SOX6: variants seen among roughly 807,000 people sequenced by gnomAD.
SOX6 encodes the protein SRY-box transcription factor 6, also known as transcription factor SOX-6.
SOX6 carries 11 observed loss-of-function variants against 97.8 expected under a neutral mutation model. That is an observed-to-expected ratio of 0.11 (90% CI 0.07 to 0.19). The LOEUF is 0.19. SOX6 is among the 10% of genes least tolerant of loss of function. SOX6 has a pLI of 1.00. For missense variants in SOX6, 810 were observed against 1,039.5 expected (o/e 0.78, Z 3.04); for synonymous variants, 360 against 371.4 (o/e 0.97, Z 0.35).
chr11:16,275,285 CAA>C (rs869208945), intron 3 of SOX6, among the ~76,000 whole-genome samples: 588 of 123,002 alleles, frequency 4.8e-3, no homozygotes, highest in Admixed American at 8.8e-3. Context: ...ACCAAAAATA[CAA>C]AAAAAAAAAA....
intron 1 of SOX6, among the ~76,000 whole-genome samples, chr11:16,346,483 C>T (rs1856780982): frequency 6.6e-6 from 1 of 152,020 alleles, no homozygotes; most frequent in South Asian, 2.1e-4. Flanking sequence ...TTCCTCAATT[C>T]ATTCCAGTAA....
intron 3 of SOX6, among the ~76,000 whole-genome samples, chr11:16,692,771 C>T (rs965158288): frequency 9.2e-5 from 14 of 152,164 alleles, no homozygotes; most frequent in African/African-American, 3.1e-4. Context: ...TCAGTATTGT[C>T]CTATTTATAA....
intron 3 of SOX6, among the ~76,000 whole-genome samples, chr11:16,304,074 C>T (rs1406648934): frequency 2.0e-5 from 3 of 152,006 alleles, no homozygotes; most frequent in East Asian, 3.9e-4. Context: ...CGCCACCATG[C>T]CCTGTTAATT....
upstream of SOX6, among the ~76,000 whole-genome samples, chr11:16,480,979 A>G (rs1860334896): frequency 1.3e-5 from 2 of 152,150 alleles, no homozygotes; most frequent in South Asian, 4.1e-4. Context: ...GAAAATATCG[A>G]TGCCTGGTCT....
chr11:16,340,003 C>T (rs1329662684), intron 2 of SOX6, among the ~76,000 whole-genome samples: 1 of 152,046 alleles, frequency 6.6e-6, no homozygotes, highest in East Asian at 1.9e-4. Context: ...CTCTGCTTCT[C>T]ACCTACTGTT....
At chr11:16,132,793 A>C (rs934486940) in intron 6 of SOX6, among the ~76,000 whole-genome samples, 7 of 152,008 alleles carry the variant, frequency 4.6e-5, no homozygotes, top group African/African-American at 1.5e-4. Context: ...TTATACCACA[A>C]GGACACACAA....
intron 3 of SOX6, chr11:16,311,528 A>T (rs1344124687): frequency 3.3e-5 from 5 of 152,164 alleles, no homozygotes; most frequent in African/African-American, 1.2e-4. Context: ...AGTTGCCTTA[A>T]CTAATTATTC....
intron 4 of SOX6, among the ~76,000 whole-genome samples, chr11:16,578,286 G>A (rs1195951674): frequency 6.6e-6 from 1 of 152,146 alleles, no homozygotes; most frequent in African/African-American, 2.4e-5. Flanking sequence ...ACTTGTCTAT[G>A]AGCATAATTT....
chr11:15,968,034 T>A lies in SOX6; in HGVS notation c.*4775A>T, dbSNP rs1853190760. 1 of 152,132 alleles carries A rather than the reference T, an allele frequency of 6.6e-6. No individual in the cohort carries two copies. The highest frequency in any genetic ancestry group is 2.4e-5 in the African/African-American group (1 of 41,424). The allele number at this position is 152,132 out of a possible 1,614,324, so 9.4% of individuals were successfully genotyped here. A position where few individuals can be genotyped will look rare whatever the true frequency, so the allele number is the denominator to read the frequency against. On this transcript the variant is annotated 3_prime_UTR_variant, in exon 16 of 16. Coordinates refer to ENST00000683767, the MANE Select transcript of SOX6 (RefSeq NM_001367873.1). ...TGTGTTTGCATATCAATATTTTCAA[T>A]GATATTAGTACAGGGGCACGCTCAA...
chr11:16,625,952 T>G (rs1848617993), intron 3 of SOX6, among the ~76,000 whole-genome samples: 1 of 152,180 alleles, frequency 6.6e-6, no homozygotes, highest in Non-Finnish European at 1.5e-5. Flanking sequence ...GATGGGGTTG[T>G]GGGAACTTCT....
At chr11:16,327,114 CT>C (rs1856121183) in intron 2 of SOX6, among the ~76,000 whole-genome samples, 1 of 152,126 alleles carries the variant, frequency 6.6e-6, no homozygotes, top group Non-Finnish European at 1.5e-5. Context: ...GGAAATCACG[CT>C]GTATAACTGT....
At chr11:16,140,209 T>A (rs1386395511) in intron 6 of SOX6, among the ~76,000 whole-genome samples, 1 of 152,120 alleles carries the variant, frequency 6.6e-6, no homozygotes, top group Non-Finnish European at 1.5e-5. Context: ...AGAAGCCACT[T>A]TCCTAATAGG....
chr11:16,392,931 T>G (rs1258434766), intron 1 of SOX6, among the ~76,000 whole-genome samples: 1 of 152,136 alleles, frequency 6.6e-6, no homozygotes, highest in Non-Finnish European at 1.5e-5. Flanking sequence ...CTCATAAACT[T>G]TAATATTGAA....
At chr11:16,485,235 G>C (rs371428960) in intron 4 of SOX6, among the ~76,000 whole-genome samples, 1 of 152,054 alleles carries the variant, frequency 6.6e-6, no homozygotes, top group Non-Finnish European at 1.5e-5. Flanking sequence ...AATTCAATAA[G>C]AGCTATCTAT....
chr11:16,151,269 A>C (rs1850451128), intron 6 of SOX6, among the ~76,000 whole-genome samples: 1 of 152,152 alleles, frequency 6.6e-6, no homozygotes, highest in Admixed American at 6.6e-5. Flanking sequence ...AATCAGGATG[A>C]AAATTTGCCT....
chr11:16,390,456 T>C (rs1328568020), intron 1 of SOX6, among the ~76,000 whole-genome samples: 1 of 152,194 alleles, frequency 6.6e-6, no homozygotes, highest in African/African-American at 2.4e-5. Flanking sequence ...CAATTTTCAG[T>C]GGATTAAGTG....
At chr11:16,311,258 A>C (rs1353358076) in intron 3 of SOX6, 2 of 152,090 alleles carry the variant, frequency 1.3e-5, no homozygotes, top group Non-Finnish European at 2.9e-5. Context: ...CTTTTTTAAA[A>C]GTTTCTTCAA....
intron 1 of SOX6, among the ~76,000 whole-genome samples, chr11:16,473,097 A>G (rs941450715): frequency 1.3e-5 from 2 of 152,070 alleles, no homozygotes; most frequent in African/African-American, 4.8e-5. Context: ...AGTTCATTCA[A>G]TTTTTTTCTT....
At chr11:16,625,109 T>C (rs1278527979) in intron 3 of SOX6, among the ~76,000 whole-genome samples, 1 of 152,188 alleles carries the variant, frequency 6.6e-6, no homozygotes. Context: ...TTTTGATGAG[T>C]AGATGTTTTT....
Sources: gnomAD v4.1 joint callset for allele counts (sites outside exome capture counted in the v4.1 genomes callset) on GRCh38, gnomAD v4.1.1 for gene constraint, MANE v1.5 for transcripts, NCBI Gene and HGNC (gene_info 2026-07-23, HGNC 2026-07-21) for gene names.